Variants in NAALADL2 observed in about 807,000 individuals in gnomAD.
NAALADL2 encodes the protein inactive N-acetylated-alpha-linked acidic dipeptidase-like protein 2.
NAALADL2 carries 76 observed loss-of-function variants against 87.2 expected under a neutral mutation model. That is an observed-to-expected ratio of 0.87 (90% CI 0.72 to 1.05). NAALADL2 has a LOEUF of 1.05. NAALADL2 is among the 50% of genes least tolerant of loss of function. The pLI is 0.00. For synonymous variants in NAALADL2, 354 were observed against 331.0 expected (o/e 1.07, Z -0.75); for missense variants, 1,089 against 945.8 (o/e 1.15, Z -1.99).
intron 2 of NAALADL2, among the ~76,000 whole-genome samples, chr3:174,644,415 T>TTTTCATTAAGTGGAAGTGGATC (rs1200706855): frequency 1.3e-5 from 2 of 152,214 alleles, no homozygotes; most frequent in African/African-American, 4.8e-5. Flanking sequence ...GTGGATCACC[T>TTTTCATTAAGTGGAAGTGGATC]ACTCATTGTT....
chr3:175,187,594 C>G (rs1050250911), intron 2 of NAALADL2, among the ~76,000 whole-genome samples: 2 of 152,108 alleles, frequency 1.3e-5, no homozygotes, highest in Non-Finnish European at 2.9e-5. Context: ...GTATATGTCA[C>G]TCAAAATATA....
At chr3:174,680,105 AT>A in intron 2 of NAALADL2, among the ~76,000 whole-genome samples, 1 of 148,776 alleles carries the variant, frequency 6.7e-6, no homozygotes, top group Non-Finnish European at 1.5e-5. Context: ...TATAAAAAAA[AT>A]GAGTTCATAA....
intron 10 of NAALADL2, among the ~76,000 whole-genome samples, chr3:175,624,909 A>G (rs991593827): frequency 5.9e-5 from 9 of 152,070 alleles, no homozygotes; most frequent in African/African-American, 1.9e-4. Context: ...AGACACATGT[A>G]TGTACACACT....
At chr3:175,434,277 C>T (rs1052004532) in intron 5 of NAALADL2, among the ~76,000 whole-genome samples, 2 of 151,870 alleles carry the variant, frequency 1.3e-5, no homozygotes, top group East Asian at 1.9e-4. Flanking sequence ...ATATATGATG[C>T]GTTTAAGAAC....
chr3:175,035,373 C>G (rs113709070), intron 1 of NAALADL2, among the ~76,000 whole-genome samples: 2 of 152,226 alleles, frequency 1.3e-5, no homozygotes, highest in African/African-American at 2.4e-5. Context: ...CTATGAAAGG[C>G]CAATCCACAT....
intron 1 of NAALADL2, among the ~76,000 whole-genome samples, chr3:174,883,156 T>C (rs1010362734): frequency 3.3e-5 from 5 of 152,042 alleles, no homozygotes; most frequent in Non-Finnish European, 5.9e-5. Flanking sequence ...CTAGCCATGC[T>C]AGCCACTGAT....
At chr3:174,446,656 G>A (rs918814028) in intron 1 of NAALADL2, among the ~76,000 whole-genome samples, 5 of 152,252 alleles carry the variant, frequency 3.3e-5, no homozygotes, top group African/African-American at 1.2e-4. Flanking sequence ...GGGGCATCCA[G>A]TTCTAACAAG....
chr3:175,763,603 A>G (rs1346007384), intron 13 of NAALADL2, among the ~76,000 whole-genome samples: 1 of 152,232 alleles, frequency 6.6e-6, no homozygotes, highest in Admixed American at 6.5e-5. Flanking sequence ...ATCTTTTAGT[A>G]TACAAATAGA....
chr3:175,324,320 G>A lies in NAALADL2; in HGVS notation c.1085G>A (p.Ser362Asn). ...GACCCTTCTACGCCTGGTTACCCAA[G>A]TGTCGGTAAGTTTGTTGGTCATCAT... ...GGDPSTPGYP[S>N]VDESFRQSRS... Residue 362 changes from serine to asparagine, a missense_variant, in exon 5 of 14, where the codon AGT becomes AAT. Transcript: ENST00000454872. The A allele has an allele frequency of 6.2e-7, 1 of 1,608,958 alleles. No individual in the cohort carries two copies. The highest frequency in any genetic ancestry group is 1.7e-5 in the Admixed American group (1 of 58,934).
chr3:175,273,649 GA>G (rs1166888061), intron 4 of NAALADL2, among the ~76,000 whole-genome samples: 4 of 151,644 alleles, frequency 2.6e-5, no homozygotes, highest in African/African-American at 4.8e-5. Flanking sequence ...TAAGGAAATA[GA>G]AAAAAAATGA....
intron 1 of NAALADL2, among the ~76,000 whole-genome samples, chr3:174,946,067 A>T (rs1262198033): frequency 2.0e-5 from 3 of 151,188 alleles, no homozygotes; most frequent in Non-Finnish European, 4.4e-5. Context: ...AAAAAAAAAA[A>T]AAAATTATTC....
chr3:174,999,723 A>G (rs927079936), intron 1 of NAALADL2, among the ~76,000 whole-genome samples: 23 of 152,222 alleles, frequency 1.5e-4, no homozygotes, highest in African/African-American at 5.3e-4. Flanking sequence ...GAAAGTGCAT[A>G]TGTAATGTTA....
At chr3:175,796,411 T>G (rs1415544137) in intron 13 of NAALADL2, among the ~76,000 whole-genome samples, 1 of 152,192 alleles carries the variant, frequency 6.6e-6, no homozygotes, top group Non-Finnish European at 1.5e-5. Flanking sequence ...CTCAGTTGTC[T>G]GCAGAGTGAG....
At chr3:174,528,931 CA>C (rs1721003392) in intron 1 of NAALADL2, among the ~76,000 whole-genome samples, 1 of 152,110 alleles carries the variant, frequency 6.6e-6, no homozygotes, top group Non-Finnish European at 1.5e-5. Context: ...GGGACACAGT[CA>C]AACCTTATCA....
rs2108613094 is a variant in NAALADL2 at position 174,602,416 on chromosome 3, G to T, written c.-115+51779G>T. On this transcript the variant is annotated intron_variant, in intron 2 of 3. Transcript: ENST00000434257. ...TTCTTGGCTTCTTTTTCAGATTGTT[G>T]ACTGTTGGCATATAGAAATGCTACT... Among the ~76,000 whole-genome samples the T allele has an allele frequency of 2.6e-5, 4 of 151,948 alleles. No individual in the cohort carries two copies. In the South Asian group the frequency reaches 8.3e-4, roughly 31 times the overall value.
chr3:174,608,356 CA>C (rs1185491555), intron 2 of NAALADL2, among the ~76,000 whole-genome samples: 2 of 151,720 alleles, frequency 1.3e-5, no homozygotes, highest in Non-Finnish European at 2.9e-5. Flanking sequence ...AAAAACCCTT[CA>C]AAAAATTAAT....
At chr3:174,972,096 C>T (rs1257324912) in intron 1 of NAALADL2, among the ~76,000 whole-genome samples, 1 of 152,122 alleles carries the variant, frequency 6.6e-6, no homozygotes, top group African/African-American at 2.4e-5. Flanking sequence ...GTCACCGCCC[C>T]TCCATATTTT....
In NAALADL2 at chr3:174,534,848, G is replaced by A. The variant is rs568099740; in HGVS notation, c.-183-15721G>A. On this transcript the variant is annotated intron_variant, in intron 1 of 3. Coordinates refer to the NAALADL2 transcript ENST00000434257. ...AAAAAAGTGATTTGTTTGGGAAGCCGACAGTGTTTTTTGGAGAAAAATTGT... is the reference window on the plus strand; with the variant it reads ...AAAAAAGTGATTTGTTTGGGAAGCCAACAGTGTTTTTTGGAGAAAAATTGT... Among the ~76,000 whole-genome samples the A allele has an allele frequency of 6.0e-4, 92 of 152,270 alleles. 1 individual carries two copies. Among genetic ancestry groups the A allele is most frequent in the Middle Eastern group, 3.4e-3 (1 of 294 alleles).
In NAALADL2 at chr3:174,693,487, C is replaced by G. The variant is rs1024462323; in HGVS notation, c.-114-44154C>G. Among the ~76,000 whole-genome samples the G allele has an allele frequency of 3.3e-5, 5 of 152,140 alleles. 1 individual carries two copies. The highest frequency in any genetic ancestry group is 3.3e-4 in the Admixed American group (5 of 15,276). ...AACTCCAGTATTCAGGATCTATGACCAGAAAGCTAATACAAATTTTATTTT... is the reference window on the plus strand; with the variant it reads ...AACTCCAGTATTCAGGATCTATGACGAGAAAGCTAATACAAATTTTATTTT... On this transcript the variant is annotated intron_variant, in intron 2 of 3. Coordinates refer to the NAALADL2 transcript ENST00000434257.
Sources: gnomAD v4.1 joint callset for allele counts (sites outside exome capture counted in the v4.1 genomes callset) on GRCh38, gnomAD v4.1.1 for gene constraint, MANE v1.5 for transcripts, NCBI Gene and HGNC (gene_info 2026-07-23, HGNC 2026-07-21) for gene names.